DHX36: variants seen among roughly 807,000 people sequenced by gnomAD.
DHX36 encodes the protein ATP-dependent DNA/RNA helicase DHX36.
A neutral mutation model predicts 139.0 loss-of-function variants in DHX36; 50 were observed. The observed-to-expected ratio is 0.36, with a 90% CI of 0.29 to 0.46. The LOEUF is 0.46. DHX36 is among the 20% of genes least tolerant of loss of function. DHX36 has a pLI of 1.00. For missense variants in DHX36, 1,024 were observed against 1,211.3 expected (o/e 0.85, Z 2.29); for synonymous variants, 425 against 401.9 (o/e 1.06, Z -0.69).
intron 22 of DHX36, 117 bp downstream of exon 22, chr3:154,280,462 G>T: frequency 1.4e-6 from 1 of 726,846 alleles, no homozygotes. Context: ...AAAAGAACAA[G>T]AATATAACCC....
At chr3:154,323,934 C>T (rs1194245266) in intron 1 of DHX36, among the ~76,000 whole-genome samples, 3 of 152,184 alleles carry the variant, frequency 2.0e-5, no homozygotes, top group African/African-American at 4.8e-5. Flanking sequence ...GTTCTCAAGT[C>T]CTTTAAGCAA....
At chr3:154,316,193 G>A in intron 1 of DHX36, 30 bp from the exon 2 acceptor site, 1 of 1,609,456 alleles carries the variant, frequency 6.2e-7, no homozygotes, top group Non-Finnish European at 8.5e-7. Context: ...AAGCATCCTT[G>A]TCAACATAAG....
Position 154,292,542 on chromosome 3 carries a change from C to T in DHX36, c.1814+9G>A. ...GTTCTAAAAGCTTTGGACAGAGTTC[C>T]CACCTTACCTTCCAGCTCGACCTTT... On this transcript the variant is annotated intron_variant, in intron 15 of 24. Coordinates refer to ENST00000496811, the MANE Select transcript of DHX36 (RefSeq NM_020865.3). 1.2e-6 allele frequency: 2 copies of T among 1,613,964 alleles called. No individual in the cohort carries two copies. The highest frequency in any genetic ancestry group is 1.7e-6 in the Non-Finnish European group (2 of 1,179,976).
rs62276969 is a variant in DHX36, at chr3:154,284,808, T to C, written c.2205+6A>G. On this transcript the variant is annotated splice_donor_region_variant and intron_variant, in intron 18 of 24. Coordinates refer to ENST00000496811, the MANE Select transcript of DHX36 (RefSeq NM_020865.3). ...AATAACTCGGTTTTATTTCCATTTT[T>C]CTTACCAGTGGAATGACAAATGGAT... 14,923 of 1,612,782 alleles carry C rather than the reference T, an allele frequency of 9.3e-3. 104 individuals are homozygous for C. Among genetic ancestry groups the C allele is most frequent in the Non-Finnish European group, 0.01 (12,320 of 1,179,270 alleles).
intron 13 of DHX36, among the ~76,000 whole-genome samples, chr3:154,294,550 C>T (rs1711955795): frequency 6.6e-6 from 1 of 152,156 alleles, no homozygotes; most frequent in South Asian, 2.1e-4. Context: ...CTCTTTCAGT[C>T]TTTGGAATCA....
At chr3:154,297,454 C>T (rs1712087550) in intron 12 of DHX36, among the ~76,000 whole-genome samples, 1 of 152,102 alleles carries the variant, frequency 6.6e-6, no homozygotes, top group South Asian at 2.1e-4. Flanking sequence ...GGCTCACGCC[C>T]GCAATCCCAG....
Position 154,303,324 on chromosome 3 carries a change from C to G in DHX36, c.1217+5G>C. ...AATGTTTTTTATTTCCTAATGTTTACTTACCTTATTTTTTCAATTACATCT... is the reference window on the plus strand; with the variant it reads ...AATGTTTTTTATTTCCTAATGTTTAGTTACCTTATTTTTTCAATTACATCT... On this transcript the variant is annotated splice_donor_5th_base_variant and intron_variant, in intron 9 of 24. Transcript: ENST00000496811. 2 of 1,574,646 alleles carry G rather than the reference C, an allele frequency of 1.3e-6. No homozygotes were observed. The highest frequency in any genetic ancestry group is 1.7e-4 in the Middle Eastern group (1 of 5,844).
In DHX36 at chr3:154,292,445, TAAGA is replaced by T. The variant is rs1352293742; in HGVS notation, c.1814+102_1814+105del. 4 of 1,460,470 alleles carry T rather than the reference TAAGA, an allele frequency of 2.7e-6. No individual in the cohort carries two copies. In the African/African-American group the frequency reaches 4.3e-5, roughly 16 times the overall value. The allele number at this position is 1,460,470 out of a possible 1,614,324, so 90.5% of individuals were successfully genotyped here. On this transcript the variant is annotated intron_variant, in intron 15 of 24. Coordinates refer to ENST00000496811, the MANE Select transcript of DHX36 (RefSeq NM_020865.3). ...ATGTTTTGCAATAAGCTCAAAATAA[TAAGA>T]AAGGTAACTCTTTTAATAAATATCT...
At chr3:154,299,736 C>A (rs759694560) in intron 12 of DHX36, 102 bp downstream of exon 12, 1 of 820,594 alleles carries the variant, frequency 1.2e-6, no homozygotes, top group Non-Finnish European at 2.1e-6. Context: ...TCATCTGTGA[C>A]CTAGTAGAAG....
At chr3:154,280,965 A>G in intron 20 of DHX36, 103 bp from the exon 21 acceptor site, 8 of 828,030 alleles carry the variant, frequency 9.7e-6, no homozygotes, top group Non-Finnish European at 1.5e-5. Flanking sequence ...TCCCTGCTTT[A>G]TGAAAACACT....
At chr3:154,283,642 C>T in intron 19 of DHX36, among the ~76,000 whole-genome samples, 1 of 146,262 alleles carries the variant, frequency 6.8e-6, no homozygotes, top group East Asian at 2.0e-4. Flanking sequence ...TTATAGTTTG[C>T]TTTTTTTTTT....
In DHX36 at chr3:154,309,693, C is replaced by G. The variant is rs764470095; in HGVS notation, c.773G>C (p.Arg258Thr). 1.2e-6 allele frequency: 2 copies of G among 1,612,220 alleles called. No homozygotes were observed. Among genetic ancestry groups the G allele is most frequent in the African/African-American group, 2.7e-5 (2 of 74,794 alleles). The change falls in exon 5 of 25, where the codon AGA (arginine) becomes ACA (threonine). Residue 258 changes from arginine (R) to threonine (T), a missense_variant. Physicochemically the swap from Arg to Thr is moderately conservative, Grantham distance 71 (BLOSUM62 -1). This residue lies in a region of DHX36 where 146 missense variants were observed against 215.0 expected (regional missense o/e 0.68). Coordinates refer to ENST00000496811, the MANE Select transcript of DHX36 (RefSeq NM_020865.3). ...TCTTCTTGGCTGAGTACAAACTATTCTGCAAGCAGATCCTTTTCCTCTTTC... is the reference window on the plus strand; with the variant it reads ...TCTTCTTGGCTGAGTACAAACTATTGTGCAAGCAGATCCTTTTCCTCTTTC... ...YIERGKGSAC[R>T]IVCTQPRRIS...
intron 22 of DHX36, chr3:154,280,105 G>C (rs1008026232): frequency 6.6e-6 from 1 of 152,586 alleles, no homozygotes; most frequent in African/African-American, 2.4e-5. Flanking sequence ...GCTAGAATGA[G>C]CTCATTCTAG....
rs1231169493 is a variant in DHX36, at chr3:154,309,690, A to G, written c.776T>C (p.Ile259Thr). 1 of 1,612,252 alleles carries G rather than the reference A, an allele frequency of 6.2e-7. No homozygotes were observed. Among genetic ancestry groups the G allele is most frequent in the Non-Finnish European group, 8.5e-7 (1 of 1,179,508 alleles). Residue 259 changes from isoleucine to threonine, a missense_variant, in exon 5 of 25, where the codon ATA becomes ACA. By Grantham distance (89) the Ile-to-Thr change is moderately conservative (BLOSUM62 -1). Coordinates refer to ENST00000496811, the MANE Select transcript of DHX36 (RefSeq NM_020865.3). ...AATTCTTCTTGGCTGAGTACAAACT[A>G]TTCTGCAAGCAGATCCTTTTCCTCT... The part of the protein sequence containing the change: ...IERGKGSACR[I>T]VCTQPRRISA...
intron 17 of DHX36, among the ~76,000 whole-genome samples, chr3:154,286,585 C>T (rs1400832045): frequency 2.6e-5 from 4 of 151,276 alleles, no homozygotes; most frequent in Admixed American, 6.6e-5. Flanking sequence ...TAAATAAAGA[C>T]ATATAAAACC....
At chr3:154,314,959 T>C (rs1042744711) in intron 3 of DHX36, 87 bp downstream of exon 3, 4 of 863,318 alleles carry the variant, frequency 4.6e-6, no homozygotes, top group East Asian at 2.6e-5. Context: ...CACTGATCTA[T>C]GCCATGCAGC....
chr3:154,289,595 T>C (rs746121823), intron 16 of DHX36, 114 bp downstream of exon 16: 4 of 691,280 alleles, frequency 5.8e-6, no homozygotes, highest in Non-Finnish European at 1.0e-5. Flanking sequence ...ACACATGAAA[T>C]AAATTGTGAG....
chr3:154,309,802 T>C lies in DHX36; in HGVS notation c.664A>G (p.Asn222Asp). The C allele has an allele frequency of 6.2e-7, 1 of 1,603,994 alleles. No homozygotes were observed. Among genetic ancestry groups the C allele is most frequent in the Non-Finnish European group, 8.5e-7 (1 of 1,176,070 alleles). ...MQKELVNLID[N>D]HQVTVISGET... ...CCACTTATTACTGTTACCTGATGGT[T>C]ATCAATTAAATTTACCAATTCCTAT... is the stretch of plus-strand genomic sequence containing the variant. Residue 222 changes from asparagine (N) to aspartate (D), a missense_variant, in exon 5 of 25, where the codon AAC (asparagine) becomes GAC (aspartate). Asn to Asp is a conservative substitution (Grantham distance 23). Coordinates refer to ENST00000496811, the MANE Select transcript of DHX36 (RefSeq NM_020865.3).
At chr3:154,312,900 T>TAAAA (rs1553759842) in intron 3 of DHX36, among the ~76,000 whole-genome samples, 23 of 67,600 alleles carry the variant, frequency 3.4e-4, no homozygotes, top group East Asian at 1.8e-3. Context: ...TATATATATA[T>TAAAA]AAAATAAATA....
Sources: allele counts gnomAD v4.1 joint callset (sites outside exome capture counted in the v4.1 genomes callset), GRCh38; gene constraint gnomAD v4.1.1; regional missense constraint gnomAD v4.1.1; transcripts MANE v1.5; gene names NCBI Gene and HGNC (gene_info 2026-07-23, HGNC 2026-07-21).